The following VRK2 variants were observed in gnomAD, a reference collection of about 807,000 sequenced individuals.
VRK2 encodes VRK serine/threonine kinase 2.
A neutral mutation model predicts 57.6 loss-of-function variants in VRK2; 60 were observed. The observed-to-expected ratio is 1.04, with a 90% CI of 0.85 to 1.29. The LOEUF (loss-of-function observed/expected upper bound fraction) is 1.29, where lower values mean the gene tolerates loss of function less well. VRK2 is among the 50% of genes most tolerant of loss of function. The pLI is 0.00. For missense variants in VRK2, 705 were observed against 588.1 expected (o/e 1.20, Z -2.06); for synonymous variants, 231 against 199.2 (o/e 1.16, Z -1.35).
chr2:58,155,653 G>A (rs921642503), intron 12 of VRK2, among the ~76,000 whole-genome samples: 1 of 151,932 alleles, frequency 6.6e-6, no homozygotes, highest in Non-Finnish European at 1.5e-5. Flanking sequence ...TGCTTGATGG[G>A]GGAAGGGTAG....
At chr2:58,048,801 A>G (rs774651225) in intron 1 of VRK2, 26 bp from the exon 2 acceptor site, 3 of 1,607,908 alleles carry the variant, frequency 1.9e-6, no homozygotes, top group African/African-American at 1.3e-5. Context: ...CTTTTTACCC[A>G]TTTATCTCAC....
chr2:57,929,886 T>C (rs1670662909), intron 1 of VRK2, among the ~76,000 whole-genome samples: 1 of 152,112 alleles, frequency 6.6e-6, no homozygotes, highest in Non-Finnish European at 1.5e-5. Context: ...TGGGGGCTGT[T>C]GGACTCTGCC....
intron 1 of VRK2, among the ~76,000 whole-genome samples, chr2:57,918,230 C>T (rs1670219423): frequency 6.6e-6 from 1 of 152,092 alleles, no homozygotes; most frequent in South Asian, 2.1e-4. Flanking sequence ...TTTTGTCTTC[C>T]TTTCCATATC....
chr2:58,013,467 T>G (rs938842355), intron 1 of VRK2, among the ~76,000 whole-genome samples: 1 of 152,234 alleles, frequency 6.6e-6, no homozygotes, highest in Non-Finnish European at 1.5e-5. Flanking sequence ...AGAACTTAAT[T>G]TTTTGGTTAT....
At chr2:58,107,242 C>T (rs1333501000) in intron 7 of VRK2, among the ~76,000 whole-genome samples, 2 of 152,010 alleles carry the variant, frequency 1.3e-5, no homozygotes, top group Non-Finnish European at 1.5e-5. Context: ...TTTAAAGTTG[C>T]TGAATACATA....
intron 1 of VRK2, among the ~76,000 whole-genome samples, chr2:57,962,553 T>C (rs755257803): frequency 1.3e-5 from 2 of 152,134 alleles, no homozygotes; most frequent in Non-Finnish European, 2.9e-5. Context: ...CGGTAGTTTT[T>C]CGATCCTCTC....
chr2:58,146,070 C>T (rs6727746), intron 11 of VRK2, among the ~76,000 whole-genome samples: 42,421 of 151,782 alleles, frequency 0.28, 7,072 homozygotes, highest in Non-Finnish European at 0.36. Context: ...GTGAATAGTG[C>T]CGTAAGAAAC....
rs368145455 is a variant in VRK2 at position 58,084,204 on chromosome 2, G to A, written c.186+66G>A. The stretch of plus-strand genomic sequence containing the variant: ...CTTTTTCCTTTTCTGCTTTAAGAAT[G>A]TTTTTCACGTTAATTTTTGTAACTA... On this transcript the variant is annotated intron_variant, in intron 3 of 12. Transcript: ENST00000340157. 86 of 1,490,800 alleles carry A rather than the reference G, an allele frequency of 5.8e-5. No homozygotes were observed. In the African/African-American group the frequency reaches 1.1e-3, roughly 19 times the overall value. The allele number at this position is 1,490,800 out of a possible 1,614,324, so 92.3% of individuals were successfully genotyped here.
chr2:58,151,558 G>T (rs1346244495), intron 12 of VRK2, among the ~76,000 whole-genome samples: 2 of 151,222 alleles, frequency 1.3e-5, no homozygotes, highest in Admixed American at 1.3e-4. Flanking sequence ...TCTATTTCAT[G>T]TAACTATATT....
At chr2:57,943,329 C>CAA (rs1671157758) in intron 1 of VRK2, among the ~76,000 whole-genome samples, 1 of 152,144 alleles carries the variant, frequency 6.6e-6, no homozygotes, top group African/African-American at 2.4e-5. Flanking sequence ...TGGCAAATAG[C>CAA]ATACTATATT....
intron 8 of VRK2, among the ~76,000 whole-genome samples, chr2:58,123,697 A>G (rs1364814484): frequency 1.3e-5 from 2 of 152,018 alleles, no homozygotes; most frequent in Non-Finnish European, 2.9e-5. Context: ...CCCCATCTCT[A>G]CAAAAAAATA....
chr2:58,017,242 G>A (rs1183804541), intron 1 of VRK2, among the ~76,000 whole-genome samples: 1 of 152,142 alleles, frequency 6.6e-6, no homozygotes, highest in Non-Finnish European at 1.5e-5. Context: ...GTAACCTGTT[G>A]TGATGTTGCC....
intron 2 of VRK2, among the ~76,000 whole-genome samples, chr2:58,070,613 A>G (rs1287367969): frequency 6.6e-6 from 1 of 152,178 alleles, no homozygotes; most frequent in Non-Finnish European, 1.5e-5. Flanking sequence ...ACAAAACTAT[A>G]TGTTTTTAAG....
At chr2:58,103,357 C>T (rs1002178307) in intron 7 of VRK2, among the ~76,000 whole-genome samples, 1 of 151,160 alleles carries the variant, frequency 6.6e-6, no homozygotes, top group East Asian at 1.9e-4. Context: ...ACTGGCTACA[C>T]TAACCAAGAA....
At chr2:58,035,595 C>T (rs768461863) in intron 3 of VRK2, among the ~76,000 whole-genome samples, 7 of 151,954 alleles carry the variant, frequency 4.6e-5, no homozygotes, top group Non-Finnish European at 8.8e-5. Context: ...ATAAATACTT[C>T]GCACTATTGA....
intron 12 of VRK2, among the ~76,000 whole-genome samples, chr2:58,149,939 A>T (rs1296172135): frequency 8.6e-5 from 13 of 150,702 alleles, no homozygotes; most frequent in Admixed American, 8.6e-4. Context: ...AGTTCCATGG[A>T]AGGTTTTTAT....
intron 1 of VRK2, among the ~76,000 whole-genome samples, chr2:57,937,620 C>T (rs750760335): frequency 8.5e-5 from 13 of 152,096 alleles, no homozygotes; most frequent in Non-Finnish European, 1.8e-4. Context: ...ACAGACCCAG[C>T]GGTTTTGAAT....
chr2:58,110,667 A>T (rs1675420315), intron 7 of VRK2, among the ~76,000 whole-genome samples: 1 of 152,164 alleles, frequency 6.6e-6, no homozygotes, highest in African/African-American at 2.4e-5. Context: ...GAGGCAGGAA[A>T]TCTAATGCCC....
intron 1 of VRK2, among the ~76,000 whole-genome samples, chr2:57,923,818 G>A (rs1008613683): frequency 2.6e-5 from 4 of 151,802 alleles, no homozygotes; most frequent in African/African-American, 9.7e-5. Flanking sequence ...AATGTCTAGA[G>A]AATTTCTCCA....
Sources: allele counts gnomAD v4.1 joint callset (sites outside exome capture counted in the v4.1 genomes callset), GRCh38; gene constraint gnomAD v4.1.1; transcripts MANE v1.5; gene names NCBI Gene and HGNC (gene_info 2026-07-23, HGNC 2026-07-21).